The following NR5A2 variants were observed in gnomAD, a reference collection of about 807,000 sequenced individuals.
NR5A2 encodes CYP7A promoter-binding factor.
Under a neutral mutation model 62.7 loss-of-function variants are expected in NR5A2, and 26 were observed. The observed-to-expected ratio is 0.41, with a 90% CI of 0.30 to 0.58. NR5A2 has a LOEUF of 0.58. Among genes scored for constraint, NR5A2 ranks in the 20% least tolerant of loss-of-function variants. The pLI is 0.22. For synonymous variants in NR5A2, 246 were observed against 241.7 expected (o/e 1.02, Z -0.16); for missense variants, 541 against 669.1 (o/e 0.81, Z 2.11).
intron 5 of NR5A2, among the ~76,000 whole-genome samples, chr1:200,100,846 A>G (rs906552988): frequency 2.0e-5 from 3 of 152,216 alleles, no homozygotes. Context: ...TATCTCATGT[A>G]CAAAAAGAAA....
intron 7 of NR5A2, among the ~76,000 whole-genome samples, chr1:200,138,484 T>C (rs1667320645): frequency 6.6e-6 from 1 of 152,218 alleles, no homozygotes; most frequent in Admixed American, 6.5e-5. Context: ...TAAGAAATCC[T>C]TCCCAACCTT....
At chr1:200,126,407 T>C (rs993571603) in intron 7 of NR5A2, among the ~76,000 whole-genome samples, 6 of 152,206 alleles carry the variant, frequency 3.9e-5, no homozygotes, top group African/African-American at 1.4e-4. Flanking sequence ...GTAAGGTTCA[T>C]GAACACAGTG....
intron 5 of NR5A2, among the ~76,000 whole-genome samples, chr1:200,081,702 A>G (rs1664299426): frequency 6.6e-6 from 1 of 152,136 alleles, no homozygotes; most frequent in African/African-American, 2.4e-5. Flanking sequence ...TAGAATAACA[A>G]ATGTTCCCAG....
At chr1:200,055,939 T>TA (rs1662892145) in intron 5 of NR5A2, among the ~76,000 whole-genome samples, 1 of 152,182 alleles carries the variant, frequency 6.6e-6, no homozygotes, top group Non-Finnish European at 1.5e-5. Flanking sequence ...AAGGTAGATA[T>TA]GAAAGTGTTC....
At chr1:200,078,108 A>G (rs575570052) in intron 5 of NR5A2, among the ~76,000 whole-genome samples, 1 of 152,350 alleles carries the variant, frequency 6.6e-6, no homozygotes, top group Admixed American at 6.5e-5. Flanking sequence ...AAACGTGGGC[A>G]TCAGAACTTT....
At chr1:200,089,238 A>T (rs1290221751) in intron 5 of NR5A2, among the ~76,000 whole-genome samples, 1 of 152,172 alleles carries the variant, frequency 6.6e-6, no homozygotes, top group Non-Finnish European at 1.5e-5. Context: ...TTTTTGAGAC[A>T]GAGTCTTGCA....
chr1:200,048,229 G>A lies in NR5A2; in HGVS notation c.521G>A (p.Arg174Lys). ...GRNKFGPMYK[R>K]DRALKQQKKA... is the part of the protein sequence containing the mutation. ...AATAAGTTTGGGCCAATGTACAAGAGAGACAGGGCCCTGAAGCAACAGAAA... is the reference window on the plus strand; with the variant it reads ...AATAAGTTTGGGCCAATGTACAAGAAAGACAGGGCCCTGAAGCAACAGAAA... Residue 174 changes from arginine (R) to lysine (K), a missense_variant, in exon 5 of 8, where the codon AGA (arginine) becomes AAA (lysine). This residue lies in a region of NR5A2 where 54 missense variants were observed against 123.8 expected (regional missense o/e 0.44). Transcript: ENST00000367362. This position sits in a 1 kb window ranked among gnomAD's most constrained non-coding sequence, Gnocchi z 4.8. 6.2e-7 allele frequency: 1 copy of A among 1,614,030 alleles called. No individual in the cohort carries two copies. Among genetic ancestry groups the A allele is most frequent in the Non-Finnish European group, 8.5e-7 (1 of 1,180,022 alleles).
intron 7 of NR5A2, among the ~76,000 whole-genome samples, chr1:200,142,962 T>G (rs1189197447): frequency 6.6e-6 from 1 of 151,928 alleles, no homozygotes; most frequent in Non-Finnish European, 1.5e-5. Context: ...TCTTCTGGAG[T>G]GAGTTGATGT....
chr1:200,103,669 G>A (rs921703536), intron 5 of NR5A2, among the ~76,000 whole-genome samples: 11 of 152,162 alleles, frequency 7.2e-5, no homozygotes, highest in Admixed American at 5.2e-4. Context: ...TCAACAAAGC[G>A]GGTTGCTCGC....
At position 200,176,711 on chromosome 1, in the gene NR5A2, C is replaced by G. The variant is rs950043894; in HGVS notation, c.*2501C>G. ...CGGGATCTTGATCTCACATGTTGCCCAGGCTGGCCTTGAACTCCTGGGCTC... is the reference window on the plus strand; with the variant it reads ...CGGGATCTTGATCTCACATGTTGCCGAGGCTGGCCTTGAACTCCTGGGCTC... On this transcript the variant is annotated 3_prime_UTR_variant, in exon 8 of 8. Transcript: ENST00000367362. 9 of 151,938 alleles carry G rather than the reference C, an allele frequency of 5.9e-5. No homozygotes were observed. Among genetic ancestry groups the G allele is most frequent in the Non-Finnish European group, 1.3e-4 (9 of 67,980 alleles). 9.4% of individuals were successfully genotyped at this position (151,938 alleles called of 1,614,324 possible). A position where few individuals can be genotyped will look rare whatever the true frequency, so the allele number is the denominator to read the frequency against.
At chr1:200,171,986 A>G (rs983134373) in intron 7 of NR5A2, among the ~76,000 whole-genome samples, 5 of 152,218 alleles carry the variant, frequency 3.3e-5, no homozygotes, top group Non-Finnish European at 7.4e-5. Context: ...ACAACTTTCT[A>G]AAAAGGGTAT....
chr1:200,036,414 A>G (rs1292652229), intron 1 of NR5A2, among the ~76,000 whole-genome samples: 1 of 152,194 alleles, frequency 6.6e-6, no homozygotes, highest in African/African-American at 2.4e-5. Flanking sequence ...TCAAAGGACC[A>G]GAGTGAGTGC....
chr1:200,110,133 C>T (rs754077108), intron 5 of NR5A2, among the ~76,000 whole-genome samples: 1 of 152,182 alleles, frequency 6.6e-6, no homozygotes, highest in African/African-American at 2.4e-5. Context: ...AAATGGATAC[C>T]AGTTCTGCTA....
At position 200,141,734 on chromosome 1, in the gene NR5A2, G is replaced by A. The variant is rs563611579; in HGVS notation, c.1378+20779G>A. On this transcript the variant is annotated intron_variant, in intron 7 of 7. Transcript: ENST00000367362. The stretch of plus-strand genomic sequence containing the variant: ...AAACCATCCTAGTTTTTGTATGTAG[G>A]AAATGTTTTAAATTTGGCCACTTCT... 2.6e-5 allele frequency among the ~76,000 whole-genome samples: 4 copies of A among 152,270 alleles called. No individual in the cohort carries two copies. In the East Asian group the frequency reaches 7.7e-4, roughly 29 times the overall value.
At chr1:200,169,072 T>C (rs1654048154) in intron 7 of NR5A2, among the ~76,000 whole-genome samples, 1 of 152,010 alleles carries the variant, frequency 6.6e-6, no homozygotes, top group Admixed American at 6.5e-5. Flanking sequence ...CTGTAATTAA[T>C]CCCAGATAAC....
chr1:200,118,214 A>C (rs1666330076), intron 6 of NR5A2, among the ~76,000 whole-genome samples: 1 of 150,532 alleles, frequency 6.6e-6, no homozygotes, highest in Non-Finnish European at 1.5e-5. Context: ...ATGGGGTTTC[A>C]CCATGTTGGC....
intron 7 of NR5A2, among the ~76,000 whole-genome samples, chr1:200,134,210 T>C (rs1360041937): frequency 6.6e-6 from 1 of 152,160 alleles, no homozygotes; most frequent in Admixed American, 6.5e-5. Flanking sequence ...ATATTTTTTA[T>C]AAATTTAATG....
chr1:200,042,562 T>G (rs1184976895), intron 2 of NR5A2, among the ~76,000 whole-genome samples: 1 of 152,122 alleles, frequency 6.6e-6, no homozygotes, highest in Non-Finnish European at 1.5e-5. Context: ...CAAACGCCAC[T>G]GATTAACTTA....
intron 5 of NR5A2, among the ~76,000 whole-genome samples, chr1:200,086,651 G>A (rs959781864): frequency 6.6e-6 from 1 of 152,136 alleles, no homozygotes; most frequent in African/African-American, 2.4e-5. Context: ...AATAGACTAC[G>A]ATATGTTGAG....
Sources: allele counts gnomAD v4.1 joint callset (sites outside exome capture counted in the v4.1 genomes callset), GRCh38; gene constraint gnomAD v4.1.1; regional missense constraint gnomAD v4.1.1; non-coding constraint Gnocchi (gnomAD v3.1); transcripts MANE v1.5; gene names NCBI Gene and HGNC (gene_info 2026-07-23, HGNC 2026-07-21).